Variants in RGS8 observed in about 807,000 individuals in gnomAD.
RGS8 encodes regulator of G-protein signaling 8.
A neutral mutation model predicts 21.7 loss-of-function variants in RGS8; 8 were observed. The observed-to-expected ratio is 0.37, with a 90% CI of 0.22 to 0.66. The LOEUF (loss-of-function observed/expected upper bound fraction) is 0.66, where lower values mean the gene tolerates loss of function less well. RGS8 is among the 30% of genes least tolerant of loss of function. RGS8 has a pLI of 0.59. For missense variants in RGS8, 157 were observed against 217.9 expected (o/e 0.72, Z 1.76); for synonymous variants, 80 against 83.6 (o/e 0.96, Z 0.24).
chr1:182,645,845 T>A (rs1342256981), downstream of RGS8: 2 of 152,184 alleles, frequency 1.3e-5, no homozygotes, highest in Admixed American at 6.5e-5. Context: ...TCCTAAGACA[T>A]CAGTGATGTA....
At chr1:182,744,096 A>G in the RGS8 span, among the ~76,000 whole-genome samples, 1 of 152,190 alleles carries the variant, frequency 6.6e-6, no homozygotes, top group East Asian at 1.9e-4. Context: ...TGTACACTCA[A>G]TAATTATTGA....
chr1:182,702,830 G>A, the RGS8 span, among the ~76,000 whole-genome samples: 1 of 152,148 alleles, frequency 6.6e-6, no homozygotes, highest in Non-Finnish European at 1.5e-5. Flanking sequence ...AAAAAGTTTT[G>A]TTCTTTATTT....
the RGS8 span, among the ~76,000 whole-genome samples, chr1:182,710,803 G>C: frequency 6.6e-6 from 1 of 152,188 alleles, no homozygotes; most frequent in African/African-American, 2.4e-5. Context: ...AATGTAGGTA[G>C]TAGTAATATT....
chr1:182,715,497 C>T, the RGS8 span, among the ~76,000 whole-genome samples: 3 of 152,166 alleles, frequency 2.0e-5, no homozygotes, highest in African/African-American at 7.2e-5. Context: ...ATCAGTATTG[C>T]TTTAGATTAG....
chr1:182,729,183 G>T, the RGS8 span, among the ~76,000 whole-genome samples: 1 of 152,290 alleles, frequency 6.6e-6, no homozygotes, highest in Non-Finnish European at 1.5e-5. Context: ...TCTTTTCTTA[G>T]GATATGTATG....
chr1:182,728,227 C>A, the RGS8 span, among the ~76,000 whole-genome samples: 1 of 152,062 alleles, frequency 6.6e-6, no homozygotes, highest in African/African-American at 2.4e-5. Flanking sequence ...CATATTCTGG[C>A]TAAACATAAA....
rs189341453 is a variant in RGS8 at position 182,659,911 on chromosome 1, G to A, written c.193+6058C>T. Among the ~76,000 whole-genome samples the A allele has an allele frequency of 3.2e-4, 49 of 152,144 alleles. 2 individuals carry two copies. The highest frequency in any genetic ancestry group is 1.7e-3 in the East Asian group (9 of 5,170). ...CTCACATGCATGGGGAGGTTTGAAG[G>A]GGGCCTGCCAAAAGCTCATGAGGCA... is the stretch of plus-strand genomic sequence containing the variant. On this transcript the variant is annotated intron_variant, in intron 5 of 6. Coordinates refer to ENST00000483095, the Ensembl canonical transcript of RGS8.
chr1:182,732,052 G>A, the RGS8 span, among the ~76,000 whole-genome samples: 942 of 152,298 alleles, frequency 6.2e-3, 12 homozygotes, highest in African/African-American at 0.022. Context: ...AGCAGTAGGA[G>A]TAAAAAGGGA....
chr1:182,666,079 C>T, intron 4 of RGS8, 46 bp from the exon 6 acceptor site: 1 of 1,542,562 alleles, frequency 6.5e-7, no homozygotes, highest in Non-Finnish European at 9.0e-7. Context: ...GAAATAACCT[C>T]CTTGCCCTCA....
chr1:182,733,794 C>CA, the RGS8 span: 1 of 152,172 alleles, frequency 6.6e-6, no homozygotes, highest in South Asian at 2.1e-4. Flanking sequence ...ACAACACTGA[C>CA]AGACTAACAG....
chr1:182,681,545 C>G (rs1664535020), intron 1 of RGS8, among the ~76,000 whole-genome samples: 1 of 152,226 alleles, frequency 6.6e-6, no homozygotes, highest in South Asian at 2.1e-4. Flanking sequence ...CCACAGCCAT[C>G]AGACCCAGGA....
chr1:182,671,376 G>T (rs1490943308), intron 2 of RGS8, among the ~76,000 whole-genome samples: 1 of 152,228 alleles, frequency 6.6e-6, no homozygotes, highest in Non-Finnish European at 1.5e-5. Context: ...TCAAAGATCT[G>T]ATTGCCCCCA....
At chr1:182,739,746 C>T in the RGS8 span, among the ~76,000 whole-genome samples, 1 of 152,054 alleles carries the variant, frequency 6.6e-6, no homozygotes, top group Non-Finnish European at 1.5e-5. Context: ...ACTCACCCAG[C>T]CAGCGGGCAG....
chr1:182,734,133 C>G, the RGS8 span, among the ~76,000 whole-genome samples: 1 of 151,908 alleles, frequency 6.6e-6, no homozygotes, highest in Non-Finnish European at 1.5e-5. Flanking sequence ...GTTGACCAGG[C>G]TGGTCTCGAA....
intron 5 of RGS8, among the ~76,000 whole-genome samples, chr1:182,656,698 C>T (rs1663296649): frequency 6.6e-6 from 1 of 152,158 alleles, no homozygotes; most frequent in East Asian, 1.9e-4. Flanking sequence ...TGAAAGTTGC[C>T]TGGAATTTCA....
At chr1:182,680,318 C>G (rs1005711025) in intron 1 of RGS8, among the ~76,000 whole-genome samples, 2 of 152,194 alleles carry the variant, frequency 1.3e-5, no homozygotes, top group Non-Finnish European at 2.9e-5. Context: ...TCCTTCAGGC[C>G]CCAATAACTC....
chr1:182,677,922 A>G (rs1664419659), upstream of RGS8, among the ~76,000 whole-genome samples: 2 of 152,200 alleles, frequency 1.3e-5, no homozygotes, highest in Admixed American at 6.5e-5. Flanking sequence ...CCTCGCAGAC[A>G]ATGGCCATCA....
At chr1:182,716,100 G>T in the RGS8 span, among the ~76,000 whole-genome samples, 1 of 149,816 alleles carries the variant, frequency 6.7e-6, no homozygotes, top group Non-Finnish European at 1.5e-5. Context: ...TAAATGGAAT[G>T]AAAATAGTAG....
intron 2 of RGS8, among the ~76,000 whole-genome samples, chr1:182,670,139 T>C (rs948699111): frequency 6.6e-6 from 1 of 152,158 alleles, no homozygotes; most frequent in Admixed American, 6.5e-5. Context: ...AATAATCTGA[T>C]TGGATGCTGC....
Sources: gnomAD v4.1 joint callset for allele counts (sites outside exome capture counted in the v4.1 genomes callset) on GRCh38, gnomAD v4.1.1 for gene constraint, MANE v1.5 for transcripts, NCBI Gene and HGNC (gene_info 2026-07-23, HGNC 2026-07-21) for gene names.